Variants in DPYSL2 observed in about 807,000 individuals in gnomAD.
DPYSL2 encodes dihydropyrimidinase-related protein 2.
DPYSL2 carries 13 observed loss-of-function variants against 69.9 expected under a neutral mutation model. The observed-to-expected ratio is 0.19, with a 90% CI of 0.12 to 0.30. The LOEUF (loss-of-function observed/expected upper bound fraction) is 0.30. DPYSL2 is among the 10% of genes least tolerant of loss of function. DPYSL2 has a pLI of 1.00. For missense variants in DPYSL2, 587 were observed against 918.9 expected, an observed-to-expected ratio of 0.64 and a Z score of 4.67; for synonymous variants, 326 against 359.1, an observed-to-expected ratio of 0.91 and a Z score of 1.04.
chr8:26,627,998 C>T lies in DPYSL2; in HGVS notation c.1005+58C>T. On this transcript the variant is annotated intron_variant, in intron 7 of 13. Coordinates refer to ENST00000521913, the MANE Select transcript of DPYSL2 (RefSeq NM_001197293.3). The surrounding 1 kb of genome is among the most constrained non-coding windows in gnomAD (Gnocchi z 6.9). The stretch of plus-strand genomic sequence containing the variant: ...GTGTCCCTTGGGCACTGTGCAGAGC[C>T]TCAGGGAACCTGCTTCCTGCCTGTT... The T allele has an allele frequency of 6.5e-7, 1 of 1,544,342 alleles. No homozygotes were observed. The highest frequency in any genetic ancestry group is 8.8e-7 in the Non-Finnish European group (1 of 1,132,160).
In DPYSL2 at chr8:26,635,497, C is replaced by G. The variant is rs538465489; in HGVS notation, c.1126+597C>G. 3.6e-3 allele frequency among the ~76,000 whole-genome samples: 545 copies of G among 152,322 alleles called. 2 individuals are homozygous for G. Among genetic ancestry groups the G allele is most frequent in the Non-Finnish European group, 6.0e-3 (405 of 68,026 alleles). ...CCTCTAGAGGACGCCCCATGAGGCA[C>G]CTCATGCATTTTGAATGCAGCTGAG... is the stretch of plus-strand genomic sequence containing the variant. On this transcript the variant is annotated intron_variant, in intron 8 of 13. Transcript: ENST00000521913.
At chr8:26,555,169 A>G (rs989412783) in intron 1 of DPYSL2, among the ~76,000 whole-genome samples, 4 of 152,170 alleles carry the variant, frequency 2.6e-5, no homozygotes, top group South Asian at 2.1e-4. Context: ...GTGAGAAACC[A>G]TAAACTTTCC....
chr8:26,518,862 A>T (rs914390585), intron 1 of DPYSL2, among the ~76,000 whole-genome samples: 6 of 152,218 alleles, frequency 3.9e-5, no homozygotes, highest in South Asian at 2.1e-4. Flanking sequence ...GTTGCTATTC[A>T]ATTAATTGGC....
chr8:26,556,176 G>GTATATACTATATATATTATATATACTATA (rs1800958282), intron 1 of DPYSL2, among the ~76,000 whole-genome samples: 2 of 3,378 alleles, frequency 5.9e-4, no homozygotes, highest in African/African-American at 1.4e-3. Flanking sequence ...ACTATATATA[G>GTATATACTATATATATTATATATACTATA]TATATACTAT....
intron 3 of DPYSL2, among the ~76,000 whole-genome samples, chr8:26,592,586 C>T (rs1801764029): frequency 6.6e-6 from 1 of 151,836 alleles, no homozygotes; most frequent in Admixed American, 6.6e-5. Flanking sequence ...AGCCATTCTC[C>T]TGTCTCAGCC....
intron 1 of DPYSL2, among the ~76,000 whole-genome samples, chr8:26,559,559 T>A (rs566828222): frequency 1.3e-5 from 2 of 152,328 alleles, no homozygotes; most frequent in East Asian, 1.9e-4. Flanking sequence ...CATATTTTCT[T>A]GTATTTATTG....
At chr8:26,573,666 C>CAA (rs11437407) in intron 1 of DPYSL2, among the ~76,000 whole-genome samples, 1,725 of 94,984 alleles carry the variant, frequency 0.018, 38 homozygotes, top group Middle Eastern at 0.075. Flanking sequence ...AAGACTGTCT[C>CAA]AAAAAAAAAA....
In DPYSL2 at chr8:26,643,713, C is replaced by A. The variant is rs1585569505; in HGVS notation, c.1283+118C>A. 1 of 1,453,240 alleles carries A rather than the reference C, an allele frequency of 6.9e-7. No homozygotes were observed. Among genetic ancestry groups the A allele is most frequent in the East Asian group, 2.3e-5 (1 of 43,320 alleles). 90.0% of individuals were successfully genotyped at this position (1,453,240 alleles called of 1,614,324 possible). A position where few individuals can be genotyped will look rare whatever the true frequency, so the allele number is the denominator to read the frequency against. ...GCCATAAAACTGGGAGACCCTTGTT[C>A]ACCAAACTAGGTTGGCTACATGAGT... On this transcript the variant is annotated intron_variant, in intron 9 of 13. Coordinates refer to ENST00000521913, the MANE Select transcript of DPYSL2 (RefSeq NM_001197293.3). This position sits in a 1 kb window ranked among gnomAD's most constrained non-coding sequence, Gnocchi z 6.5.
intron 1 of DPYSL2, among the ~76,000 whole-genome samples, chr8:26,541,969 C>T (rs1226223585): frequency 1.3e-5 from 2 of 152,154 alleles, no homozygotes; most frequent in Non-Finnish European, 2.9e-5. Flanking sequence ...GGATTAATCT[C>T]ACCAATCAAA....
At chr8:26,631,485 G>A (rs575836874) in intron 7 of DPYSL2, among the ~76,000 whole-genome samples, 1 of 152,340 alleles carries the variant, frequency 6.6e-6, no homozygotes, top group East Asian at 1.9e-4. Context: ...TTCAACATGT[G>A]TGGATTACAA....
Position 26,605,623 on chromosome 8 carries a change from A to C in DPYSL2, c.629-18520A>C, listed in dbSNP as rs1802091209. 6.6e-6 allele frequency among the ~76,000 whole-genome samples: 1 copy of C among 152,358 alleles called. No homozygotes were observed. Among genetic ancestry groups the C allele is most frequent in the Admixed American group, 6.5e-5 (1 of 15,296 alleles). ...AAATGAAGAAATATTTGATCTAAGA[A>C]GAAAGTTTATGAAGATGACTGACTT... On this transcript the variant is annotated intron_variant, in intron 3 of 13. Coordinates refer to ENST00000521913, the MANE Select transcript of DPYSL2 (RefSeq NM_001197293.3). The surrounding 1 kb of genome is among the most constrained non-coding windows in gnomAD (Gnocchi z 4.1).
chr8:26,566,652 A>G (rs1036598943), intron 1 of DPYSL2, among the ~76,000 whole-genome samples: 1 of 152,056 alleles, frequency 6.6e-6, no homozygotes, highest in African/African-American at 2.4e-5. Flanking sequence ...AAAAGAAGAC[A>G]CCCACAGTCC....
intron 3 of DPYSL2, among the ~76,000 whole-genome samples, chr8:26,602,615 A>G (rs372107404): frequency 6.6e-6 from 1 of 151,692 alleles, no homozygotes; most frequent in East Asian, 1.9e-4. Context: ...TGCTAAGAAA[A>G]CCCTGTTCGT....
rs1808311074 is a variant in DPYSL2 at position 26,517,441 on chromosome 8, G to T, written c.354+2762G>T. 6.6e-6 allele frequency among the ~76,000 whole-genome samples: 1 copy of T among 152,306 alleles called. No homozygotes were observed. Among genetic ancestry groups the T allele is most frequent in the East Asian group, 1.9e-4 (1 of 5,182 alleles). On this transcript the variant is annotated intron_variant, in intron 1 of 13. Coordinates refer to ENST00000521913, the MANE Select transcript of DPYSL2 (RefSeq NM_001197293.3). This position sits in a 1 kb window ranked among gnomAD's most constrained non-coding sequence, Gnocchi z 4.2. Reference sequence around the variant, plus strand: ...TGTGAATGAGGAAAGCCTCTATCTTGTTACTCTCTTTTTCCTATAAGTCCA... The same window carrying T: ...TGTGAATGAGGAAAGCCTCTATCTTTTTACTCTCTTTTTCCTATAAGTCCA...
intron 1 of DPYSL2, among the ~76,000 whole-genome samples, chr8:26,543,699 C>G (rs1800720151): frequency 6.6e-6 from 1 of 152,294 alleles, no homozygotes; most frequent in Middle Eastern, 3.4e-3. Context: ...GTTGGTCAGG[C>G]TTGTCTCGAA....
intron 8 of DPYSL2, among the ~76,000 whole-genome samples, chr8:26,639,577 C>G (rs1046011085): frequency 2.0e-5 from 3 of 152,218 alleles, no homozygotes; most frequent in Non-Finnish European, 4.4e-5. Context: ...TTGATTCATT[C>G]ATGTGGTGCT....
At chr8:26,655,234 C>T (rs1803358693) in intron 13 of DPYSL2, among the ~76,000 whole-genome samples, 1 of 152,122 alleles carries the variant, frequency 6.6e-6, no homozygotes, top group African/African-American at 2.4e-5. Flanking sequence ...GGGTGGCTCA[C>T]ACCTCTTATC....
intron 7 of DPYSL2, among the ~76,000 whole-genome samples, chr8:26,632,467 G>A (rs544737038): frequency 1.4e-4 from 21 of 152,200 alleles, no homozygotes; most frequent in Non-Finnish European, 3.1e-4. Flanking sequence ...CTTTCCAGCA[G>A]GCCTTGTAGA....
chr8:26,552,032 T>G (rs1449497343), intron 1 of DPYSL2, among the ~76,000 whole-genome samples: 3 of 152,158 alleles, frequency 2.0e-5, no homozygotes, highest in Non-Finnish European at 2.9e-5. Context: ...AATGCTGGTC[T>G]TAAACACTTA....
Sources: allele counts gnomAD v4.1 joint callset (sites outside exome capture counted in the v4.1 genomes callset), GRCh38; gene constraint gnomAD v4.1.1; non-coding constraint Gnocchi (gnomAD v3.1); transcripts MANE v1.5; gene names NCBI Gene and HGNC (gene_info 2026-07-23, HGNC 2026-07-21).